The following STOX1 variants were observed in gnomAD, a reference collection of about 807,000 sequenced individuals.
STOX1 encodes storkhead-box protein 1.
In STOX1, 57 loss-of-function variants were observed where a neutral mutation model predicts 74.8. The ratio of observed to expected loss-of-function variants is 0.76; its 90% CI spans 0.62 to 0.95. The LOEUF (loss-of-function observed/expected upper bound fraction) is 0.95. Ranked by LOEUF, STOX1 falls within the 40% of genes least tolerant of loss-of-function variation. The pLI, the probability that STOX1 is intolerant of heterozygous loss-of-function variation, is 0.00. For missense variants in STOX1, 1,010 were observed against 1,117.0 expected, an observed-to-expected ratio of 0.90 and a Z score of 1.37; for synonymous variants, 375 against 401.3, an observed-to-expected ratio of 0.93 and a Z score of 0.78.
At chr10:68,887,020 C>T (rs1013301084) in intron 3 of STOX1, among the ~76,000 whole-genome samples, 3 of 152,140 alleles carry the variant, frequency 2.0e-5, no homozygotes, top group African/African-American at 7.2e-5. Flanking sequence ...ACTACTATCA[C>T]ACTTCTATAA....
intron 1 of STOX1, among the ~76,000 whole-genome samples, chr10:68,863,629 C>T (rs1840322928): frequency 6.6e-6 from 1 of 152,056 alleles, no homozygotes; most frequent in Non-Finnish European, 1.5e-5. Flanking sequence ...TTCAAAGGTC[C>T]TGAAAGAGGT....
intron 1 of STOX1, among the ~76,000 whole-genome samples, chr10:68,836,462 T>G (rs186311502): frequency 6.6e-6 from 1 of 152,354 alleles, no homozygotes; most frequent in Non-Finnish European, 1.5e-5. Context: ...TAATCATTGC[T>G]TGCCTGACAT....
chr10:68,883,651 C>T lies in STOX1; in HGVS notation c.464-609C>T, dbSNP rs117364338. 6.7e-3 allele frequency among the ~76,000 whole-genome samples: 1,013 copies of T among 150,722 alleles called. 6 individuals carry two copies. Among genetic ancestry groups the T allele is most frequent in the South Asian group, 0.019 (88 of 4,744 alleles). ...CTGGTCTTGAACTCCTGAGTTAAAGCGATCTGCCTGTCTCAGCCTCCCAAA... is the reference window on the plus strand; with the variant it reads ...CTGGTCTTGAACTCCTGAGTTAAAGTGATCTGCCTGTCTCAGCCTCCCAAA... On this transcript the variant is annotated intron_variant, in intron 2 of 3. Coordinates refer to ENST00000298596, the MANE Select transcript of STOX1 (RefSeq NM_152709.5).
At chr10:68,828,870 T>G in intron 1 of STOX1, 1 of 615,732 alleles carries the variant, frequency 1.6e-6, no homozygotes. Context: ...CCCAGTCTTT[T>G]CAAACTTAAC....
rs1326789323 is a variant in STOX1, at chr10:68,886,002, T to C, written c.2206T>C (p.Tyr736His). ...TGATGATGGTGCCTGTAGTTCATTA[T>C]ATCTAGAGGAGGATGACATTTCTGA... ...EDDDGACSSL[Y>H]LEEDDISEND... The change falls in exon 3 of 4, where the codon TAT becomes CAT. Residue 736 changes from tyrosine to histidine, a missense_variant. By Grantham distance (83) the Tyr-to-His change is moderately conservative. Transcript: ENST00000298596. 5 of 1,614,220 alleles carry C rather than the reference T, an allele frequency of 3.1e-6. No individual in the cohort carries two copies. The highest frequency in any genetic ancestry group is 4.2e-6 in the Non-Finnish European group (5 of 1,180,038).
intron 1 of STOX1, among the ~76,000 whole-genome samples, chr10:68,856,281 C>T (rs1840124497): frequency 6.6e-6 from 1 of 152,004 alleles, no homozygotes; most frequent in Admixed American, 6.6e-5. Context: ...TCAGCATTTA[C>T]AGGGATAAAA....
intron 1 of STOX1, among the ~76,000 whole-genome samples, chr10:68,846,176 T>A (rs901711297): frequency 2.8e-5 from 4 of 143,170 alleles, no homozygotes; most frequent in Non-Finnish European, 6.2e-5. Context: ...AGACGGAGTC[T>A]CGCTCTGTCA....
chr10:68,868,869 A>G lies in STOX1; in HGVS notation c.311-13089A>G, dbSNP rs139966183. On this transcript the variant is annotated intron_variant, in intron 1 of 3. Coordinates refer to ENST00000298596, the MANE Select transcript of STOX1 (RefSeq NM_152709.5). ...AACTGACACGTGTCAAATCTATTCC[A>G]GGCATTTTCAGATTGTTTTCCCACA... Among the ~76,000 whole-genome samples the G allele has an allele frequency of 2.0e-3, 303 of 152,316 alleles. 1 individual carries two copies. Among genetic ancestry groups the G allele is most frequent in the Non-Finnish European group, 3.7e-3 (253 of 68,020 alleles).
In STOX1 at chr10:68,892,731, G is replaced by A. The variant is rs771623735; in HGVS notation, c.2965G>A (p.Val989Ile). The A allele has an allele frequency of 2.5e-5, 41 of 1,613,474 alleles. No homozygotes were observed. The highest frequency in any genetic ancestry group is 1.6e-4 in the Middle Eastern group (1 of 6,080). The stretch of plus-strand genomic sequence containing the variant: ...ACTACCGCTAACTCCAGTCATAAAC[G>A]TTTAATTTTCTTTTGGAAACCTACT... ...SLLPLTPVIN[V>I] Residue 989 changes from valine (V) to isoleucine (I), a missense_variant, in exon 4 of 4, where the codon GTT becomes ATT. Val to Ile is a conservative substitution (Grantham distance 29). Transcript: ENST00000298596.
intron 1 of STOX1, 49 bp from the exon 2 acceptor site, chr10:68,881,909 T>C (rs755985140): frequency 6.2e-6 from 10 of 1,606,620 alleles, no homozygotes; most frequent in Non-Finnish European, 8.5e-6. Flanking sequence ...TTTTATACTA[T>C]ATCAAATTTA....
chr10:68,828,525 C>T (rs1477959206), intron 1 of STOX1, among the ~76,000 whole-genome samples: 1 of 152,184 alleles, frequency 6.6e-6, no homozygotes, highest in Non-Finnish European at 1.5e-5. Context: ...TGAGTCCGTT[C>T]CTCAACTCTT....
In STOX1 at chr10:68,892,818, A is replaced by G; in HGVS notation, c.*82A>G. 1 of 1,452,580 alleles carries G rather than the reference A, an allele frequency of 6.9e-7. No homozygotes were observed. The allele number at this position is 1,452,580 out of a possible 1,614,324, so 90.0% of individuals were successfully genotyped here. ...TCTTTCAATCATGTAAGAATTGAGTATATAAGAATTGTCTAAAGGCAAGCA... is the reference window on the plus strand; with the variant it reads ...TCTTTCAATCATGTAAGAATTGAGTGTATAAGAATTGTCTAAAGGCAAGCA... On this transcript the variant is annotated 3_prime_UTR_variant, in exon 4 of 4. Transcript: ENST00000298596.
At chr10:68,846,834 A>G (rs1041900093) in intron 1 of STOX1, 1 of 152,212 alleles carries the variant, frequency 6.6e-6, no homozygotes, top group Non-Finnish European at 1.5e-5. Flanking sequence ...ATATACTAAA[A>G]TTCAAACGAT....
chr10:68,873,773 C>G (rs1261338550), intron 1 of STOX1, among the ~76,000 whole-genome samples: 1 of 150,116 alleles, frequency 6.7e-6, no homozygotes, highest in Admixed American at 6.6e-5. Context: ...GCCTCAGCCT[C>G]TTTAGTAGCT....
intron 1 of STOX1, among the ~76,000 whole-genome samples, chr10:68,851,316 A>AG (rs56319773): frequency 6.6e-6 from 1 of 151,112 alleles, no homozygotes; most frequent in East Asian, 1.9e-4. Context: ...AAAAAAAAAA[A>AG]GAAAAAAGAG....
At chr10:68,845,665 G>C (rs1839824241) in intron 1 of STOX1, among the ~76,000 whole-genome samples, 1 of 150,964 alleles carries the variant, frequency 6.6e-6, no homozygotes, top group Non-Finnish European at 1.5e-5. Flanking sequence ...GCAGTGGCAA[G>C]ATCTTGGCTC....
At position 68,875,746 on chromosome 10, in the gene STOX1, C is replaced by T. The variant is rs141955790; in HGVS notation, c.311-6212C>T. ...ACTCCAAGAGCAAGTCACACTTTCC[C>T]AGGGGCCTGCTCCTATTGGCCAGGG... On this transcript the variant is annotated intron_variant, in intron 1 of 3. Transcript: ENST00000298596. Among the ~76,000 whole-genome samples, 85 of 152,252 alleles carry T rather than the reference C, an allele frequency of 5.6e-4. 2 individuals carry two copies. The highest frequency in any genetic ancestry group is 2.0e-3 in the African/African-American group (82 of 41,548).
intron 3 of STOX1, among the ~76,000 whole-genome samples, chr10:68,887,760 AT>A (rs1466406925): frequency 6.8e-6 from 1 of 146,794 alleles, no homozygotes; most frequent in African/African-American, 2.5e-5. Flanking sequence ...CACCCAGCTA[AT>A]TTTTGTATTT....
chr10:68,868,450 C>T (rs1840461070), intron 1 of STOX1, among the ~76,000 whole-genome samples: 1 of 152,194 alleles, frequency 6.6e-6, no homozygotes, highest in Admixed American at 6.5e-5. Context: ...GGTTTTCCAC[C>T]CTGGGTGGGC....
Sources: allele counts gnomAD v4.1 joint callset (sites outside exome capture counted in the v4.1 genomes callset), GRCh38; gene constraint gnomAD v4.1.1; transcripts MANE v1.5; gene names NCBI Gene and HGNC (gene_info 2026-07-23, HGNC 2026-07-21).